Variants in RPTOR observed in about 807,000 individuals in gnomAD.
RPTOR encodes the protein regulatory associated protein of MTOR complex 1.
In RPTOR, 21 loss-of-function variants were observed where a neutral mutation model predicts 169.9. That is an observed-to-expected ratio of 0.12 (90% confidence interval 0.09 to 0.18). The LOEUF (loss-of-function observed/expected upper bound fraction) is 0.18. Ranked by LOEUF, RPTOR falls within the 10% of genes least tolerant of loss-of-function variation. The pLI is 1.00. For missense variants in RPTOR, 1,133 were observed against 1,855.9 expected, an observed-to-expected ratio of 0.61 and a Z score of 7.16; for synonymous variants, 732 against 753.2, an observed-to-expected ratio of 0.97 and a Z score of 0.46.
intron 20 of RPTOR, among the ~76,000 whole-genome samples, chr17:80,904,251 C>T (rs537367145): frequency 4.6e-5 from 7 of 152,280 alleles, no homozygotes; most frequent in African/African-American, 1.2e-4. Flanking sequence ...GGGGCCGCTG[C>T]GGAAGCCCTC....
intron 15 of RPTOR, 145 bp downstream of exon 15, chr17:80,883,629 C>A: frequency 8.4e-7 from 1 of 1,185,714 alleles, no homozygotes; most frequent in Non-Finnish European, 1.2e-6. Flanking sequence ...CATTTGCAGG[C>A]TGAATATGAA....
At chr17:80,942,531 G>A (rs1011245844) in intron 25 of RPTOR, among the ~76,000 whole-genome samples, 18 of 152,072 alleles carry the variant, frequency 1.2e-4, no homozygotes, top group African/African-American at 4.3e-4. Flanking sequence ...GCCAGCAGGC[G>A]TGGTGCCAGC....
chr17:80,612,899 T>C (rs2065281139), intron 1 of RPTOR, among the ~76,000 whole-genome samples: 1 of 152,134 alleles, frequency 6.6e-6, no homozygotes, highest in African/African-American at 2.4e-5. Context: ...TTGTCAAAGA[T>C]GTAAGGCCAT....
intron 13 of RPTOR, among the ~76,000 whole-genome samples, chr17:80,867,297 C>G (rs1404310409): frequency 6.6e-6 from 1 of 151,722 alleles, no homozygotes; most frequent in Non-Finnish European, 1.5e-5. Context: ...AAGATGAAAA[C>G]CATATTACCA....
Position 80,743,863 on chromosome 17 carries a change from C to CTACTAGCACTGTCCTGGT in RPTOR, c.655-10138_655-10137insTGTCCTGGTTACTAGCAC, listed in dbSNP as rs1567887540. Among the ~76,000 whole-genome samples the CTACTAGCACTGTCCTGGT allele has an allele frequency of 4.2e-4, 18 of 42,542 alleles. 3 individuals are homozygous for CTACTAGCACTGTCCTGGT. Among genetic ancestry groups the CTACTAGCACTGTCCTGGT allele is most frequent in the African/African-American group, 2.1e-3 (16 of 7,494 alleles). 27.9% of individuals were successfully genotyped at this position (42,542 alleles called of 152,430 possible). ...GCCCTGGTTACTAGCAGAGCCCTGG[C>CTACTAGCACTGTCCTGGT]TACTAGCACAGCCCTGGCTACTAGC... On this transcript the variant is annotated intron_variant, in intron 5 of 33. Transcript: ENST00000306801.
chr17:80,669,424 G>A (rs779866467), intron 3 of RPTOR, among the ~76,000 whole-genome samples: 1 of 152,074 alleles, frequency 6.6e-6, no homozygotes, highest in Non-Finnish European at 1.5e-5. Flanking sequence ...CACTCTTGTC[G>A]CCCAGGCTGG....
intron 14 of RPTOR, among the ~76,000 whole-genome samples, chr17:80,881,816 C>T (rs373723167): frequency 1.7e-4 from 26 of 152,146 alleles, no homozygotes; most frequent in Admixed American, 8.5e-4. Context: ...AGTGAGACCC[C>T]GTCTCCACTC....
intron 7 of RPTOR, among the ~76,000 whole-genome samples, chr17:80,806,669 C>T (rs976522391): frequency 2.0e-5 from 3 of 152,180 alleles, no homozygotes; most frequent in Non-Finnish European, 2.9e-5. Context: ...AATACTTAGT[C>T]GTTTTCCAAG....
intron 24 of RPTOR, among the ~76,000 whole-genome samples, chr17:80,933,661 G>T (rs772922697): frequency 6.6e-6 from 1 of 152,164 alleles, no homozygotes; most frequent in Non-Finnish European, 1.5e-5. Flanking sequence ...AAAGAAAAAT[G>T]TAAGAGACAA....
chr17:80,597,355 G>T (rs2065151579), intron 1 of RPTOR, among the ~76,000 whole-genome samples: 1 of 152,170 alleles, frequency 6.6e-6, no homozygotes, highest in Admixed American at 6.5e-5. Flanking sequence ...GTGAGTGTCT[G>T]CATGGCTTGG....
chr17:80,743,942 C>T (rs1401728929), intron 5 of RPTOR, among the ~76,000 whole-genome samples: 1 of 55,532 alleles, frequency 1.8e-5, no homozygotes, highest in Non-Finnish European at 4.0e-5. Context: ...TGGTTACTAG[C>T]ACAGCCCTGG....
At chr17:80,644,074 A>G (rs2065573969) in intron 3 of RPTOR, among the ~76,000 whole-genome samples, 1 of 152,240 alleles carries the variant, frequency 6.6e-6, no homozygotes, top group South Asian at 2.1e-4. Flanking sequence ...GATTTTTAGA[A>G]AAGAAAAAGT....
chr17:80,838,069 C>T (rs960487953), intron 10 of RPTOR, 72 bp downstream of exon 10: 4 of 1,321,204 alleles, frequency 3.0e-6, no homozygotes, highest in Non-Finnish European at 4.2e-6. Context: ...ACTGCAAAGC[C>T]CCCAGACTGG....
At chr17:80,702,311 C>T (rs927879983) in intron 3 of RPTOR, among the ~76,000 whole-genome samples, 4 of 152,094 alleles carry the variant, frequency 2.6e-5, no homozygotes, top group Admixed American at 1.3e-4. Flanking sequence ...CTCCAAAACT[C>T]CTGTGCATAT....
intron 1 of RPTOR, among the ~76,000 whole-genome samples, chr17:80,566,688 G>A (rs1011638015): frequency 2.0e-5 from 3 of 151,744 alleles, no homozygotes; most frequent in African/African-American, 7.3e-5. Context: ...GCCCAGTGAG[G>A]TGGCAGGCAC....
In RPTOR at chr17:80,820,222, G is replaced by A. The variant is rs978619286; in HGVS notation, c.891-1979G>A. 1.7e-4 allele frequency among the ~76,000 whole-genome samples: 26 copies of A among 151,278 alleles called. No homozygotes were observed. The highest frequency in any genetic ancestry group is 3.8e-4 in the Non-Finnish European group (26 of 67,808). On this transcript the variant is annotated intron_variant, in intron 7 of 33. Transcript: ENST00000306801. The surrounding 1 kb of genome is among the most constrained non-coding windows in gnomAD (Gnocchi z 4.1). ...TTGGTAAGGAGGGCAGGCAGCGCTC[G>A]GTGACAGTCCTGCAGCTTGAAAGAG...
chr17:80,759,530 G>T (rs1385816585), intron 6 of RPTOR, among the ~76,000 whole-genome samples: 1 of 152,148 alleles, frequency 6.6e-6, no homozygotes, highest in African/African-American at 2.4e-5. Context: ...ACAATAAACT[G>T]CTTTCTCCCA....
intron 4 of RPTOR, among the ~76,000 whole-genome samples, chr17:80,713,530 A>G (rs200523689): frequency 6.6e-6 from 1 of 152,084 alleles, no homozygotes; most frequent in Non-Finnish European, 1.5e-5. Context: ...AAACCAGATT[A>G]AAAAAAAGCA....
intron 20 of RPTOR, among the ~76,000 whole-genome samples, chr17:80,907,441 C>T (rs1290739959): frequency 1.3e-5 from 2 of 152,262 alleles, no homozygotes; most frequent in Non-Finnish European, 2.9e-5. Flanking sequence ...CCCGCTCTGC[C>T]CTCCACGCTC....
Sources: gnomAD v4.1 joint callset for allele counts (sites outside exome capture counted in the v4.1 genomes callset) on GRCh38, gnomAD v4.1.1 for gene constraint, Gnocchi (gnomAD v3.1) non-coding constraint, MANE v1.5 for transcripts, NCBI Gene and HGNC (gene_info 2026-07-23, HGNC 2026-07-21) for gene names.